NRG1: variants seen among roughly 807,000 people sequenced by gnomAD.
NRG1 encodes neuregulin 1.
A neutral mutation model predicts 63.8 loss-of-function variants in NRG1; 18 were observed. The ratio of observed to expected loss-of-function variants is 0.28; its 90% confidence interval spans 0.19 to 0.42. NRG1 has a LOEUF of 0.42. NRG1 is among the 10% of genes least tolerant of loss of function. The probability of loss-of-function intolerance (pLI) is 1.00; values close to 1 mark genes in which losing one functional copy is unlikely to be tolerated. For missense variants in NRG1, 762 were observed against 814.7 expected (o/e 0.94, Z 0.79); for synonymous variants, 302 against 301.3 (o/e 1.00, Z -0.02).
At chr8:32,053,142 C>A (rs1822265500) in intron 1 of NRG1, among the ~76,000 whole-genome samples, 1 of 151,920 alleles carries the variant, frequency 6.6e-6, no homozygotes, top group African/African-American at 2.4e-5. Context: ...TTTTGGAGAC[C>A]CCTTAACTGC....
intron 1 of NRG1, among the ~76,000 whole-genome samples, chr8:32,001,724 A>C (rs941169078): frequency 6.6e-6 from 1 of 151,978 alleles, no homozygotes; most frequent in South Asian, 2.1e-4. Context: ...TAATACTAGC[A>C]GGGATACTGA....
At chr8:31,817,666 C>T (rs1197718329) in intron 1 of NRG1, among the ~76,000 whole-genome samples, 1 of 152,158 alleles carries the variant, frequency 6.6e-6, no homozygotes, top group Non-Finnish European at 1.5e-5. Context: ...TAAACTTTCT[C>T]AGCATTGAGG....
At chr8:32,005,724 C>T (rs772377152) in intron 1 of NRG1, among the ~76,000 whole-genome samples, 7 of 151,810 alleles carry the variant, frequency 4.6e-5, no homozygotes, top group South Asian at 2.1e-4. Flanking sequence ...AGAAACAAAA[C>T]GTTCAGCGAG....
At chr8:32,319,688 A>G (rs1801152158) in intron 1 of NRG1, among the ~76,000 whole-genome samples, 2 of 152,126 alleles carry the variant, frequency 1.3e-5, no homozygotes, top group Admixed American at 1.3e-4. Flanking sequence ...ACAGGTAGAA[A>G]ATTATGGAAA....
intron 1 of NRG1, among the ~76,000 whole-genome samples, chr8:32,346,641 C>A (rs919161264): frequency 2.6e-5 from 4 of 152,086 alleles, no homozygotes; most frequent in African/African-American, 9.6e-5. Context: ...AAATAAGGAA[C>A]CTGTAATTAA....
intron 1 of NRG1, among the ~76,000 whole-genome samples, chr8:32,180,426 A>G (rs753018733): frequency 1.3e-5 from 2 of 152,174 alleles, no homozygotes; most frequent in Non-Finnish European, 2.9e-5. Context: ...CAGATTACAA[A>G]GAATGTCAAT....
chr8:32,493,582 G>C (rs1346826444), intron 1 of NRG1, among the ~76,000 whole-genome samples: 1 of 152,082 alleles, frequency 6.6e-6, no homozygotes, highest in Admixed American at 6.6e-5. Flanking sequence ...TCTTATAATT[G>C]CCTCATTTGA....
chr8:32,134,340 C>G (rs1748600925), intron 1 of NRG1, among the ~76,000 whole-genome samples: 1 of 151,982 alleles, frequency 6.6e-6, no homozygotes, highest in Non-Finnish European at 1.5e-5. Context: ...AAAAATTTCC[C>G]TATAGACAAA....
At chr8:31,659,849 C>T (rs1455022208) in intron 1 of NRG1, among the ~76,000 whole-genome samples, 2 of 152,186 alleles carry the variant, frequency 1.3e-5, no homozygotes, top group African/African-American at 4.8e-5. Flanking sequence ...AAAAAGTGGA[C>T]ATACTTCAGC....
At position 32,537,912 on chromosome 8, in the gene NRG1, C is replaced by T. The variant is rs560641906; in HGVS notation, c.38-57916C>T. The stretch of plus-strand genomic sequence containing the variant: ...TGTTGCCCAGGCTGGAGTGCAGGGG[C>T]GAGATCTCAGTTCACTGCAACCTCC... On this transcript the variant is annotated intron_variant, in intron 1 of 10. Transcript: ENST00000519301. 8.5e-4 allele frequency among the ~76,000 whole-genome samples: 129 copies of T among 152,136 alleles called. 1 individual carries two copies. The highest frequency in any genetic ancestry group is 3.0e-3 in the African/African-American group (123 of 41,526).
chr8:32,569,882 T>C (rs73234160), intron 1 of NRG1, among the ~76,000 whole-genome samples: 1 of 150,626 alleles, frequency 6.6e-6, no homozygotes, highest in Non-Finnish European at 1.5e-5. Context: ...ACAATTCTAG[T>C]TAATTCTTTT....
At chr8:32,030,321 T>C (rs1818066610) in intron 1 of NRG1, 1 of 152,196 alleles carries the variant, frequency 6.6e-6, no homozygotes, top group African/African-American at 2.4e-5. Context: ...AATTTGGGTT[T>C]GGGAATCTCA....
chr8:31,826,449 C>T (rs867918445), intron 1 of NRG1, among the ~76,000 whole-genome samples: 17 of 152,320 alleles, frequency 1.1e-4, no homozygotes, highest in Middle Eastern at 3.4e-3. Flanking sequence ...TCTTTCCTGT[C>T]GCCATGTAAG....
intron 1 of NRG1, among the ~76,000 whole-genome samples, chr8:32,591,590 T>A (rs1842530662): frequency 6.6e-6 from 1 of 152,142 alleles, no homozygotes; most frequent in African/African-American, 2.4e-5. Context: ...AAGTCACGAT[T>A]GTGAGGATGA....
chr8:32,044,259 C>G (rs1004385040), intron 1 of NRG1, among the ~76,000 whole-genome samples: 1 of 151,814 alleles, frequency 6.6e-6, no homozygotes, highest in African/African-American at 2.4e-5. Flanking sequence ...GACATAACAA[C>G]CTTAACTATG....
intron 5 of NRG1, among the ~76,000 whole-genome samples, chr8:32,689,458 T>A (rs1811031355): frequency 6.6e-6 from 1 of 152,178 alleles, no homozygotes; most frequent in African/African-American, 2.4e-5. Context: ...AACGGCTGTT[T>A]GTTGTTGTTT....
chr8:32,742,029 A>T lies in NRG1; in HGVS notation c.633-646A>T. 1 of 1,613,574 alleles carries T rather than the reference A, an allele frequency of 6.2e-7. No homozygotes were observed. The highest frequency in any genetic ancestry group is 8.5e-7 in the Non-Finnish European group (1 of 1,179,736). The stretch of plus-strand genomic sequence containing the variant: ...CTAGGTGCCAACCTGGATTCACTGG[A>T]GCAAGATGTACTGAGAATGTGCCCA... On this transcript the variant is annotated intron_variant, in intron 6 of 11. Coordinates refer to ENST00000356819, the Ensembl canonical transcript of NRG1. This position sits in a 1 kb window ranked among gnomAD's most constrained non-coding sequence, Gnocchi z 4.2.
chr8:32,548,756 A>C lies in NRG1; in HGVS notation c.30A>C (p.Lys10Asn), dbSNP rs367543159. The C allele has an allele frequency of 6.3e-7, 1 of 1,589,814 alleles. No homozygotes were observed. The highest frequency in any genetic ancestry group is 1.3e-5 in the African/African-American group (1 of 74,686). The change falls in exon 1 of 12, where the codon AAA becomes AAC. Residue 10 changes from lysine (K) to asparagine (N), a missense_variant. Lys to Asn is a moderately conservative substitution (Grantham distance 94). Transcript: ENST00000356819. Reference sequence around the variant, plus strand: ...CCGAGCGCAAAGAAGGCAGAGGCAAAGGGAAGGGCAAGAAGAAGGAGCGAG... The same window carrying C: ...CCGAGCGCAAAGAAGGCAGAGGCAACGGGAAGGGCAAGAAGAAGGAGCGAG...
chr8:32,465,695 T>G (rs1180033571), intron 1 of NRG1, among the ~76,000 whole-genome samples: 3 of 152,272 alleles, frequency 2.0e-5, no homozygotes, highest in African/African-American at 7.2e-5. Context: ...AAGAATATTA[T>G]CTTTTTATAC....
Sources: gnomAD v4.1 joint callset for allele counts (sites outside exome capture counted in the v4.1 genomes callset) on GRCh38, gnomAD v4.1.1 for gene constraint, Gnocchi (gnomAD v3.1) non-coding constraint, MANE v1.5 for transcripts, NCBI Gene and HGNC (gene_info 2026-07-23, HGNC 2026-07-21) for gene names.